CDH1: variants seen among roughly 807,000 people sequenced by gnomAD.
CDH1 encodes cadherin 1, also known as cadherin-1.
Under a neutral mutation model 84.5 loss-of-function variants are expected in CDH1, and 35 were observed. That is an observed-to-expected ratio of 0.41 (90% CI 0.32 to 0.55). The LOEUF (loss-of-function observed/expected upper bound fraction) is 0.55. Among genes scored for constraint, CDH1 ranks in the 20% least tolerant of loss-of-function variants. The pLI, the probability that CDH1 is intolerant of heterozygous loss-of-function variation, is 0.19. For synonymous variants in CDH1, 417 were observed against 439.0 expected (o/e 0.95, Z 0.63); for missense variants, 994 against 1,126.6 (o/e 0.88, Z 1.68).
chr16:68,798,425 A>G (rs1020616824), intron 2 of CDH1, among the ~76,000 whole-genome samples: 8 of 151,960 alleles, frequency 5.3e-5, no homozygotes, highest in African/African-American at 1.7e-4. Context: ...AATCTTTCCT[A>G]CAATTTCCTA....
chr16:68,774,314 C>A (rs1205936027), intron 2 of CDH1, among the ~76,000 whole-genome samples: 2 of 152,186 alleles, frequency 1.3e-5, no homozygotes, highest in Non-Finnish European at 2.9e-5. Flanking sequence ...TACTTGAGGT[C>A]AGGAGTTTGA....
intron 2 of CDH1, among the ~76,000 whole-genome samples, chr16:68,766,140 T>C (rs1464140771): frequency 1.3e-5 from 2 of 152,054 alleles, no homozygotes; most frequent in African/African-American, 2.4e-5. Context: ...GCGCCTGTAG[T>C]CCCAGCTACT....
At position 68,828,244 on chromosome 16, in the gene CDH1, G is replaced by T. The variant is rs1267384637; in HGVS notation, c.2235G>T (p.Glu745Asp). Residue 745 changes from glutamate (E) to aspartate (D), a missense_variant, in exon 14 of 16, where the codon GAG becomes GAT. Physicochemically the swap from Glu to Asp is conservative, Grantham distance 45. Transcript: ENST00000261769. ...TCAAAGAGCCCTTACTGCCCCCAGA[G>T]GATGACACCCGGGACAACGTTTATT... is the stretch of plus-strand genomic sequence containing the variant. ...AVVKEPLLPP[E>D]DDTRDNVYYY... 2 of 1,614,106 alleles carry T rather than the reference G, an allele frequency of 1.2e-6. No homozygotes were observed. Among genetic ancestry groups the T allele is most frequent in the Non-Finnish European group, 1.7e-6 (2 of 1,180,010 alleles).
intron 10 of CDH1, among the ~76,000 whole-genome samples, chr16:68,818,291 T>A (rs1961037607): frequency 6.6e-6 from 1 of 150,686 alleles, no homozygotes; most frequent in East Asian, 1.9e-4. Context: ...TGGGGTTATA[T>A]AACAGAATGC....
chr16:68,780,860 G>A (rs1959856980), intron 2 of CDH1, among the ~76,000 whole-genome samples: 3 of 152,158 alleles, frequency 2.0e-5, no homozygotes, highest in African/African-American at 4.8e-5. Context: ...GTAGAGAGCT[G>A]GGCTTTTATT....
intron 14 of CDH1, among the ~76,000 whole-genome samples, chr16:68,828,581 A>G (rs1961393106): frequency 6.6e-6 from 1 of 152,184 alleles, no homozygotes; most frequent in Admixed American, 6.6e-5. Flanking sequence ...ACAGCTAGGA[A>G]GCGACAGGGC....
At chr16:68,742,831 C>T (rs1289735743) in intron 2 of CDH1, among the ~76,000 whole-genome samples, 2 of 152,222 alleles carry the variant, frequency 1.3e-5, no homozygotes, top group South Asian at 2.1e-4. Flanking sequence ...TTTGGGATCA[C>T]CTTACATCAT....
intron 2 of CDH1, among the ~76,000 whole-genome samples, chr16:68,794,581 A>T (rs1960304305): frequency 3.3e-5 from 5 of 151,374 alleles, no homozygotes; most frequent in Non-Finnish European, 1.5e-5. Context: ...GTGTGGTGGT[A>T]CAATCATAGC....
rs1189787021 is a variant in CDH1 at position 68,752,007 on chromosome 16, A to G, written c.163+13596A>G. 2.7e-5 allele frequency among the ~76,000 whole-genome samples: 4 copies of G among 147,918 alleles called. No individual in the cohort carries two copies. In the Admixed American group the frequency reaches 2.7e-4, roughly 10 times the overall value. ...AACTCTGTCACCCAGGCTGGAGTGCAGTGGCTTGATCTCGGCTCACTGCAA... is the reference window on the plus strand; with the variant it reads ...AACTCTGTCACCCAGGCTGGAGTGCGGTGGCTTGATCTCGGCTCACTGCAA... On this transcript the variant is annotated intron_variant, in intron 2 of 15. Coordinates refer to ENST00000261769, the MANE Select transcript of CDH1 (RefSeq NM_004360.5).
At chr16:68,754,282 G>A (rs971086262) in intron 2 of CDH1, among the ~76,000 whole-genome samples, 5 of 152,048 alleles carry the variant, frequency 3.3e-5, no homozygotes, top group Non-Finnish European at 7.4e-5. Flanking sequence ...CTGGTGGCAT[G>A]AGCTGGCAGA....
intron 15 of CDH1, among the ~76,000 whole-genome samples, chr16:68,832,400 C>T (rs1447199638): frequency 2.6e-5 from 4 of 151,326 alleles, no homozygotes; most frequent in African/African-American, 9.7e-5. Context: ...CGCTTGAACC[C>T]AGGAGGTGGA....
chr16:68,774,849 G>C (rs1301547541), intron 2 of CDH1, among the ~76,000 whole-genome samples: 2 of 152,164 alleles, frequency 1.3e-5, no homozygotes, highest in Non-Finnish European at 2.9e-5. Context: ...GTGAATCTCA[G>C]TCCTGATTTT....
At chr16:68,765,652 G>A (rs953810405) in intron 2 of CDH1, 7 of 149,330 alleles carry the variant, frequency 4.7e-5, no homozygotes, top group Admixed American at 4.7e-4. Flanking sequence ...CTCCTGAGTT[G>A]TCTTTGCTTG....
intron 2 of CDH1, among the ~76,000 whole-genome samples, chr16:68,783,043 C>G (rs1452642676): frequency 3.9e-5 from 6 of 152,014 alleles, no homozygotes; most frequent in African/African-American, 1.5e-4. Flanking sequence ...CACATGTTGC[C>G]TATTGAGATT....
intron 2 of CDH1, among the ~76,000 whole-genome samples, chr16:68,776,301 T>G (rs1959730817): frequency 6.6e-6 from 1 of 152,172 alleles, no homozygotes; most frequent in Non-Finnish European, 1.5e-5. Flanking sequence ...TTAGATTTCT[T>G]TTAATGTAGT....
At chr16:68,789,550 A>G (rs1960155240) in intron 2 of CDH1, among the ~76,000 whole-genome samples, 3 of 151,910 alleles carry the variant, frequency 2.0e-5, no homozygotes, top group African/African-American at 7.3e-5. Context: ...CTTTATCGAA[A>G]CATAATCCAC....
chr16:68,816,179 G>A (rs554459403), intron 10 of CDH1, among the ~76,000 whole-genome samples: 4 of 152,136 alleles, frequency 2.6e-5, no homozygotes, highest in Admixed American at 1.3e-4. Context: ...CACCACGCCC[G>A]GCTAATTTTT....
At chr16:68,751,493 C>CTTATTTATTTAT (rs55979620) in intron 2 of CDH1, among the ~76,000 whole-genome samples, 1,647 of 149,226 alleles carry the variant, frequency 0.011, 23 homozygotes, top group African/African-American at 0.032. Context: ...TCTTGAACCC[C>CTTATTTATTTAT]TTATTTATTT....
rs141461252 is a variant in CDH1, at chr16:68,763,830, C to T, written c.163+25419C>T. 4.0e-3 allele frequency among the ~76,000 whole-genome samples: 611 copies of T among 152,294 alleles called. 3 individuals carry two copies. The highest frequency in any genetic ancestry group is 0.013 in the African/African-American group (529 of 41,556). On this transcript the variant is annotated intron_variant, in intron 2 of 15. Transcript: ENST00000261769. ...ACTAACTACAAGTGCAGACTGCACC[C>T]CTAGAGATTCTGATGTTTAAGTCTG...
Sources: gnomAD v4.1 joint callset for allele counts (sites outside exome capture counted in the v4.1 genomes callset) on GRCh38, gnomAD v4.1.1 for gene constraint, MANE v1.5 for transcripts, NCBI Gene and HGNC (gene_info 2026-07-23, HGNC 2026-07-21) for gene names.